Variants in SCN8A observed in about 807,000 individuals in gnomAD.
SCN8A encodes sodium voltage-gated channel alpha subunit 8, also known as sodium channel protein type 8 subunit alpha.
Under a neutral mutation model 184.1 loss-of-function variants are expected in SCN8A, and 30 were observed. That is an observed-to-expected ratio of 0.16 (90% confidence interval 0.12 to 0.22). SCN8A has a LOEUF of 0.22. SCN8A is among the 10% of genes least tolerant of loss of function. The pLI is 1.00. For missense variants in SCN8A, 1,057 were observed against 2,498.9 expected, an observed-to-expected ratio of 0.42 and a Z score of 12.30; for synonymous variants, 852 against 907.0, an observed-to-expected ratio of 0.94 and a Z score of 1.09.
intron 1 of SCN8A, among the ~76,000 whole-genome samples, chr12:51,616,782 G>T (rs1191392943): frequency 2.0e-5 from 3 of 152,026 alleles, no homozygotes; most frequent in Admixed American, 6.6e-5. Context: ...AGCCAGGCAT[G>T]GTGGTGCATA....
intron 13 of SCN8A, among the ~76,000 whole-genome samples, chr12:51,749,956 C>T (rs1942571775): frequency 6.6e-6 from 1 of 152,190 alleles, no homozygotes; most frequent in Admixed American, 6.5e-5. Flanking sequence ...AAAGCATCCT[C>T]TTAGCTCAGG....
At chr12:51,689,202 T>C in intron 6 of SCN8A, 106 bp downstream of exon 6, 1 of 843,896 alleles carries the variant, frequency 1.2e-6, no homozygotes. Context: ...ATAATGGCCT[T>C]GCATTCTGCA....
chr12:51,768,534 C>T (rs553157310), intron 16 of SCN8A, among the ~76,000 whole-genome samples: 70 of 152,144 alleles, frequency 4.6e-4, no homozygotes, highest in African/African-American at 1.6e-3. Flanking sequence ...GTATATTCAC[C>T]TTTTTATTTT....
intron 11 of SCN8A, among the ~76,000 whole-genome samples, chr12:51,709,561 C>G (rs570608235): frequency 6.6e-6 from 1 of 152,092 alleles, no homozygotes; most frequent in African/African-American, 2.4e-5. Context: ...AAGTGTCCAT[C>G]GGATTTGGCA....
chr12:51,762,779 T>C (rs1270625357), intron 15 of SCN8A, 103 bp downstream of exon 15: 2 of 1,049,486 alleles, frequency 1.9e-6, no homozygotes, highest in Non-Finnish European at 2.6e-6. Context: ...ATATTAGCTG[T>C]ATTTTACTCC....
Position 51,812,121 on chromosome 12 carries a change from A to T in SCN8A, c.*4692A>T, listed in dbSNP as rs535207803. 2 of 151,300 alleles carry T rather than the reference A, an allele frequency of 1.3e-5. No homozygotes were observed. Among genetic ancestry groups the T allele is most frequent in the South Asian group, 4.2e-4 (2 of 4,706 alleles). The allele number at this position is 151,300 out of a possible 1,614,324, so 9.4% of individuals were successfully genotyped here. On this transcript the variant is annotated 3_prime_UTR_variant, in exon 27 of 27. Transcript: ENST00000627620. The stretch of plus-strand genomic sequence containing the variant: ...AAGATTACCAAGATTTCCTCCATTA[A>T]AACTCCTGAGGCACCCCCTGCCCCT...
At chr12:51,612,258 C>T (rs182910290) in intron 1 of SCN8A, among the ~76,000 whole-genome samples, 1 of 152,262 alleles carries the variant, frequency 6.6e-6, no homozygotes. Context: ...ACCTCCCAGG[C>T]TTGAGCAATC....
At chr12:51,667,544 A>G (rs553350935) in intron 2 of SCN8A, among the ~76,000 whole-genome samples, 14 of 151,906 alleles carry the variant, frequency 9.2e-5, no homozygotes, top group African/African-American at 3.4e-4. Flanking sequence ...CCACTTTTAA[A>G]AGTTTTTCTT....
intron 1 of SCN8A, among the ~76,000 whole-genome samples, chr12:51,651,039 C>A (rs1940700960): frequency 1.3e-5 from 2 of 152,228 alleles, no homozygotes; most frequent in South Asian, 4.1e-4. Context: ...AGCAGCATGT[C>A]CTTAAGGCAC....
At chr12:51,794,305 G>A in intron 25 of SCN8A, 66 bp from the exon 26 acceptor site, 1 of 1,510,112 alleles carries the variant, frequency 6.6e-7, no homozygotes, top group Admixed American at 1.8e-5. Flanking sequence ...CAGGGTGACA[G>A]CTTCCATAGG....
intron 5 of SCN8A, 114 bp downstream of exon 5, chr12:51,687,333 TG>T (rs1941435005): frequency 1.6e-6 from 2 of 1,214,582 alleles, no homozygotes; most frequent in Admixed American, 4.5e-5. Context: ...GAGGAATTAA[TG>T]GATAACCATG....
At chr12:51,769,813 G>A (rs1942895060) in intron 17 of SCN8A, 55 bp from the exon 18 acceptor site, 5 of 1,114,420 alleles carry the variant, frequency 4.5e-6, no homozygotes, top group Admixed American at 2.0e-5. Context: ...TTCTCAGTGT[G>A]GAGTGGGCAT....
chr12:51,788,575 C>G, intron 22 of SCN8A, 120 bp from the exon 23 acceptor site: 1 of 554,550 alleles, frequency 1.8e-6, no homozygotes, highest in East Asian at 3.3e-5. Context: ...CCAAGGGAGG[C>G]TGCACCCAAA....
chr12:51,599,624 C>T (rs929899985), intron 1 of SCN8A, among the ~76,000 whole-genome samples: 1 of 152,092 alleles, frequency 6.6e-6, no homozygotes, highest in African/African-American at 2.4e-5. Flanking sequence ...GACAGATGAT[C>T]AAAGCTATAC....
chr12:51,666,513 A>G (rs1460964886), intron 2 of SCN8A, among the ~76,000 whole-genome samples: 2 of 152,226 alleles, frequency 1.3e-5, no homozygotes, highest in East Asian at 3.8e-4. Context: ...ATAAGGGTAG[A>G]AATGACTTTA....
chr12:51,639,740 C>A (rs149042316), intron 1 of SCN8A, among the ~76,000 whole-genome samples: 341 of 151,896 alleles, frequency 2.2e-3, no homozygotes, highest in Non-Finnish European at 3.8e-3. Context: ...GCAACCACCA[C>A]CCTGATCAGT....
At chr12:51,706,751 T>C (rs1941792583) in intron 11 of SCN8A, 36 bp downstream of exon 11, 1 of 1,418,964 alleles carries the variant, frequency 7.0e-7, no homozygotes, top group Non-Finnish European at 9.3e-7. Context: ...TTTTCAAAAA[T>C]GTATTTTTTA....
Position 51,762,684 on chromosome 12 carries a change from A to T in SCN8A, c.2544+8A>T. The stretch of plus-strand genomic sequence containing the variant: ...CTGCGATCTTTCCGATTGGTATTCC[A>T]TATTTCTCCAATTTCTTTTAACATT... On this transcript the variant is annotated splice_region_variant and intron_variant, in intron 15 of 26. Coordinates refer to ENST00000627620, the MANE Select transcript of SCN8A (RefSeq NM_001330260.2). The T allele has an allele frequency of 6.4e-7, 1 of 1,561,110 alleles. No individual in the cohort carries two copies. Among genetic ancestry groups the T allele is most frequent in the Non-Finnish European group, 8.6e-7 (1 of 1,163,956 alleles).
chr12:51,708,622 T>C (rs1246565084), intron 11 of SCN8A, among the ~76,000 whole-genome samples: 1 of 152,218 alleles, frequency 6.6e-6, no homozygotes, highest in Non-Finnish European at 1.5e-5. Context: ...TTTGCCAGTC[T>C]TATTCATTTC....
Sources: allele counts gnomAD v4.1 joint callset (sites outside exome capture counted in the v4.1 genomes callset), GRCh38; gene constraint gnomAD v4.1.1; transcripts MANE v1.5; gene names NCBI Gene and HGNC (gene_info 2026-07-23, HGNC 2026-07-21).